The following NOL10 variants were observed in gnomAD, a reference collection of about 807,000 sequenced individuals.
NOL10 encodes the protein H_NH0074G24.1.
A neutral mutation model predicts 103.5 loss-of-function variants in NOL10; 58 were observed. The observed-to-expected ratio is 0.56, with a 90% CI of 0.45 to 0.70. The LOEUF (loss-of-function observed/expected upper bound fraction) is 0.70. Among genes scored for constraint, NOL10 ranks in the 30% least tolerant of loss-of-function variants. The pLI, the probability that NOL10 is intolerant of heterozygous loss-of-function variation, is 0.00. For synonymous variants in NOL10, 287 were observed against 282.5 expected (o/e 1.02, Z -0.16); for missense variants, 763 against 807.3 (o/e 0.95, Z 0.67).
At chr2:10,592,913 T>A (rs918149707) in intron 17 of NOL10, among the ~76,000 whole-genome samples, 1 of 152,316 alleles carries the variant, frequency 6.6e-6, no homozygotes, top group South Asian at 2.1e-4. Flanking sequence ...TAATGTTCTA[T>A]AGGAGCTTAC....
chr2:10,672,489 T>C (rs1287299200), intron 5 of NOL10, among the ~76,000 whole-genome samples: 1 of 152,182 alleles, frequency 6.6e-6, no homozygotes, highest in Admixed American at 6.5e-5. Context: ...AAATACATTC[T>C]AAAATGACAT....
At chr2:10,685,537 C>T (rs563216086) in intron 1 of NOL10, among the ~76,000 whole-genome samples, 2 of 135,814 alleles carry the variant, frequency 1.5e-5, no homozygotes, top group African/African-American at 5.6e-5. Context: ...ACAGGCTTAA[C>T]CACTAGAAAA....
At chr2:10,671,745 T>A in intron 5 of NOL10, 55 bp from the exon 6 acceptor site, 1 of 1,355,000 alleles carries the variant, frequency 7.4e-7, no homozygotes, top group Non-Finnish European at 1.0e-6. Context: ...GGTGTTTACT[T>A]CATTATCGCT....
At chr2:10,630,826 A>T (rs1036789056) in intron 13 of NOL10, among the ~76,000 whole-genome samples, 4 of 152,204 alleles carry the variant, frequency 2.6e-5, no homozygotes, top group African/African-American at 9.6e-5. Flanking sequence ...TATGCTCCAA[A>T]GCTTCCCCTT....
At chr2:10,658,801 A>T (rs554536956) in intron 10 of NOL10, among the ~76,000 whole-genome samples, 2 of 152,312 alleles carry the variant, frequency 1.3e-5, no homozygotes, top group South Asian at 4.1e-4. Flanking sequence ...CCTATGGCCA[A>T]GCCCGGTGGC....
chr2:10,637,784 T>G (rs1227990578), intron 13 of NOL10, among the ~76,000 whole-genome samples: 2 of 152,204 alleles, frequency 1.3e-5, no homozygotes, highest in Non-Finnish European at 2.9e-5. Context: ...TAAGCTCCAG[T>G]GCGATTCTGA....
At chr2:10,600,350 T>C (rs1675908029) in intron 17 of NOL10, among the ~76,000 whole-genome samples, 1 of 152,210 alleles carries the variant, frequency 6.6e-6, no homozygotes, top group Admixed American at 6.5e-5. Context: ...GCCTGCATAC[T>C]CGTAAGAACA....
intron 13 of NOL10, among the ~76,000 whole-genome samples, chr2:10,640,243 G>C (rs1678608139): frequency 6.6e-6 from 1 of 152,182 alleles, no homozygotes; most frequent in African/African-American, 2.4e-5. Context: ...TGGTACGTTT[G>C]ATAAAATCTT....
intron 12 of NOL10, among the ~76,000 whole-genome samples, chr2:10,645,058 A>T (rs1460184954): frequency 6.6e-6 from 1 of 152,194 alleles, no homozygotes; most frequent in Admixed American, 6.5e-5. Flanking sequence ...GCCTTTGACC[A>T]GTCCTTCATA....
intron 13 of NOL10, among the ~76,000 whole-genome samples, chr2:10,636,253 T>A (rs952311100): frequency 4.0e-5 from 6 of 151,860 alleles, no homozygotes; most frequent in African/African-American, 1.2e-4. Context: ...TAAAACAACA[T>A]ATACTCTGGA....
chr2:10,606,226 CTT>C (rs58301569), intron 14 of NOL10, among the ~76,000 whole-genome samples: 4 of 149,394 alleles, frequency 2.7e-5, no homozygotes, highest in Admixed American at 6.7e-5. Flanking sequence ...GTACATTTAT[CTT>C]TTTTTTTTTT....
intron 9 of NOL10, 32 bp from the exon 10 acceptor site, chr2:10,659,282 A>ATTT: frequency 6.0e-6 from 8 of 1,339,196 alleles, no homozygotes; most frequent in Non-Finnish European, 6.2e-6. Flanking sequence ...CTTCATGAAT[A>ATTT]TACGGCCAAA....
chr2:10,622,115 T>G (rs527471734), intron 13 of NOL10: 1 of 471,536 alleles, frequency 2.1e-6, no homozygotes, highest in African/African-American at 2.0e-5. Flanking sequence ...GTGGCAGACT[T>G]TGGTTTAGAG....
intron 20 of NOL10, among the ~76,000 whole-genome samples, chr2:10,577,363 C>T (rs6748036): frequency 0.59 from 90,120 of 152,036 alleles, 27,738 homozygotes; most frequent in African/African-American, 0.74. Flanking sequence ...GAAACCAAGA[C>T]GGCTGGTTCA....
At chr2:10,684,705 C>T in intron 1 of NOL10, 93 bp from the exon 2 acceptor site, 1 of 908,616 alleles carries the variant, frequency 1.1e-6, no homozygotes, top group South Asian at 1.5e-5. Context: ...TTTAAAAATT[C>T]AAACTTCATA....
chr2:10,654,253 G>A (rs1223109631), intron 12 of NOL10, among the ~76,000 whole-genome samples: 1 of 152,180 alleles, frequency 6.6e-6, no homozygotes, highest in Non-Finnish European at 1.5e-5. Flanking sequence ...TGAGCACTGA[G>A]TCATTAAGAG....
intron 13 of NOL10, among the ~76,000 whole-genome samples, chr2:10,629,652 T>C (rs1290988283): frequency 6.6e-6 from 1 of 152,238 alleles, no homozygotes; most frequent in Non-Finnish European, 1.5e-5. Context: ...CCAGATGTTA[T>C]CACTGCTTTC....
chr2:10,582,578 G>A (rs1285341038), intron 19 of NOL10, among the ~76,000 whole-genome samples: 1 of 152,138 alleles, frequency 6.6e-6, no homozygotes, highest in Non-Finnish European at 1.5e-5. Flanking sequence ...AGATTCCTGA[G>A]GCCAACAAGC....
intron 3 of NOL10, among the ~76,000 whole-genome samples, chr2:10,679,693 C>A (rs933870938): frequency 3.3e-5 from 5 of 152,028 alleles, no homozygotes; most frequent in Non-Finnish European, 5.9e-5. Flanking sequence ...TGGCGCGATC[C>A]TGGCTTACTG....
Sources: gnomAD v4.1 joint callset for allele counts (sites outside exome capture counted in the v4.1 genomes callset) on GRCh38, gnomAD v4.1.1 for gene constraint, MANE v1.5 for transcripts, NCBI Gene and HGNC (gene_info 2026-07-23, HGNC 2026-07-21) for gene names.